ZFHX3: variants seen among roughly 807,000 people sequenced by gnomAD.
ZFHX3 encodes the protein zinc finger homeobox protein 3.
Under a neutral mutation model 279.1 loss-of-function variants are expected in ZFHX3, and 42 were observed. The ratio of observed to expected loss-of-function variants is 0.15; its 90% CI spans 0.12 to 0.19. ZFHX3 has a LOEUF of 0.19. Ranked by LOEUF, ZFHX3 falls within the 10% of genes least tolerant of loss-of-function variation. The pLI is 1.00. For missense variants in ZFHX3, 4,981 were observed against 4,754.0 expected (o/e 1.05, Z -1.40); for synonymous variants, 2,293 against 1,957.8 (o/e 1.17, Z -4.52).
chr16:73,715,029 C>A (rs1891035962), intron 1 of ZFHX3, among the ~76,000 whole-genome samples: 1 of 152,166 alleles, frequency 6.6e-6, no homozygotes, highest in Non-Finnish European at 1.5e-5. Flanking sequence ...CCCTCCCTAC[C>A]CCCATGAAGT....
At chr16:73,607,488 T>C (rs12925204) in intron 2 of ZFHX3, among the ~76,000 whole-genome samples, 84,167 of 152,054 alleles carry the variant, frequency 0.55, 26,660 homozygotes, top group East Asian at 0.82. Context: ...CTATTCACAA[T>C]AGCAAAGACA....
chr16:72,863,529 G>C (rs2037938184), intron 4 of ZFHX3, among the ~76,000 whole-genome samples: 3 of 146,296 alleles, frequency 2.1e-5, no homozygotes, highest in Admixed American at 1.3e-4. Context: ...GACAGAGACA[G>C]AGACAGACAG....
intron 2 of ZFHX3, among the ~76,000 whole-genome samples, chr16:73,577,921 C>G (rs1406055072): frequency 6.6e-6 from 1 of 152,208 alleles, no homozygotes; most frequent in East Asian, 1.9e-4. Context: ...AATTAGGCTA[C>G]AGTGGTCATT....
At chr16:73,391,602 T>C (rs999138427) in intron 3 of ZFHX3, among the ~76,000 whole-genome samples, 7 of 152,126 alleles carry the variant, frequency 4.6e-5, no homozygotes, top group Non-Finnish European at 1.0e-4. Flanking sequence ...CCCATAATAG[T>C]ACCTACTACC....
At chr16:73,313,569 C>T (rs1199728554) in intron 4 of ZFHX3, among the ~76,000 whole-genome samples, 1 of 152,146 alleles carries the variant, frequency 6.6e-6, no homozygotes, top group Non-Finnish European at 1.5e-5. Context: ...TGCTCAAGGT[C>T]ACACAGCTAA....
intron 2 of ZFHX3, among the ~76,000 whole-genome samples, chr16:73,474,059 C>G (rs1170279738): frequency 1.3e-5 from 2 of 152,092 alleles, no homozygotes; most frequent in African/African-American, 4.8e-5. Context: ...TGTCTGAGAC[C>G]AGACAGGAAT....
At chr16:73,366,268 T>A (rs1372886412) in intron 3 of ZFHX3, among the ~76,000 whole-genome samples, 1 of 152,210 alleles carries the variant, frequency 6.6e-6, no homozygotes, top group Non-Finnish European at 1.5e-5. Context: ...AGGAAAATTC[T>A]GAGAAGGATA....
chr16:73,118,219 T>G (rs536841709), intron 7 of ZFHX3, among the ~76,000 whole-genome samples: 114 of 152,292 alleles, frequency 7.5e-4, no homozygotes, highest in African/African-American at 2.3e-3. Context: ...TAGTTTTTTT[T>G]GTTGTTGTTG....
chr16:73,742,272 A>C (rs1025187131), intron 1 of ZFHX3, among the ~76,000 whole-genome samples: 3 of 152,198 alleles, frequency 2.0e-5, no homozygotes, highest in Non-Finnish European at 4.4e-5. Flanking sequence ...TTAAACACCT[A>C]CAAAAATAGT....
At chr16:72,987,367 T>C (rs773603158) in intron 1 of ZFHX3, among the ~76,000 whole-genome samples, 3 of 152,150 alleles carry the variant, frequency 2.0e-5, no homozygotes, top group African/African-American at 7.2e-5. Flanking sequence ...AGTAAGATGA[T>C]GTGGAGGCTG....
intron 2 of ZFHX3, among the ~76,000 whole-genome samples, chr16:73,564,470 T>C (rs1291624573): frequency 1.3e-5 from 2 of 152,202 alleles, no homozygotes; most frequent in Non-Finnish European, 2.9e-5. Flanking sequence ...TCAAGCATCC[T>C]AAGATGTAAG....
chr16:73,330,967 A>G (rs112557577), intron 3 of ZFHX3, among the ~76,000 whole-genome samples: 4 of 152,234 alleles, frequency 2.6e-5, no homozygotes, highest in African/African-American at 9.6e-5. Flanking sequence ...AGTGATCCTC[A>G]GGGGAAAATC....
rs772043584 is a variant in ZFHX3, at chr16:72,950,939, G to T, written c.2746C>A (p.Arg916=). Residue 916 remains arginine, a synonymous_variant, in exon 3 of 10, where the codon CGG becomes AGG. Coordinates refer to ENST00000268489, the MANE Select transcript of ZFHX3 (RefSeq NM_006885.4). ...LVGGEIPLDM[R]LGGGQLVSEE... ...GACACCAGCTGCCCGCCCCCGAGCC[G>T]CATGTCTAGGGGGATCTCACCGCCC... 4 of 1,613,854 alleles carry T rather than the reference G, an allele frequency of 2.5e-6. No homozygotes were observed. In the Admixed American group the frequency reaches 6.7e-5, roughly 27 times the overall value.
intron 3 of ZFHX3, among the ~76,000 whole-genome samples, chr16:72,949,296 C>T (rs1427764284): frequency 1.3e-5 from 2 of 151,908 alleles, no homozygotes; most frequent in Non-Finnish European, 2.9e-5. Flanking sequence ...CCCAAAGACG[C>T]GAGAAACAGT....
intron 3 of ZFHX3, among the ~76,000 whole-genome samples, chr16:72,926,128 C>T (rs1369505896): frequency 6.6e-6 from 1 of 152,192 alleles, no homozygotes; most frequent in Non-Finnish European, 1.5e-5. Flanking sequence ...CAACTGAAAC[C>T]TTTAAAAACT....
chr16:73,622,052 C>T (rs1229531411), intron 2 of ZFHX3, among the ~76,000 whole-genome samples: 1 of 152,152 alleles, frequency 6.6e-6, no homozygotes, highest in Non-Finnish European at 1.5e-5. Flanking sequence ...TCAAGCTTTC[C>T]ATGTATTTCT....
chr16:73,482,435 G>T (rs2018885705), intron 2 of ZFHX3, among the ~76,000 whole-genome samples: 1 of 152,110 alleles, frequency 6.6e-6, no homozygotes, highest in Non-Finnish European at 1.5e-5. Context: ...CCCTTCTTTT[G>T]CAGGGCTGAC....
intron 2 of ZFHX3, among the ~76,000 whole-genome samples, chr16:73,538,395 T>A (rs1239531127): frequency 3.9e-5 from 6 of 152,320 alleles, no homozygotes. Context: ...GTAATCAACC[T>A]CAATTTCAGC....
chr16:72,847,044 T>C (rs2037499854), intron 4 of ZFHX3, among the ~76,000 whole-genome samples: 1 of 152,128 alleles, frequency 6.6e-6, no homozygotes. Flanking sequence ...ATGCAGAAAT[T>C]AGTTACTGCG....
Sources: allele counts gnomAD v4.1 joint callset (sites outside exome capture counted in the v4.1 genomes callset), GRCh38; gene constraint gnomAD v4.1.1; transcripts MANE v1.5; gene names NCBI Gene and HGNC (gene_info 2026-07-23, HGNC 2026-07-21).